ROBO2: variants seen among roughly 807,000 people sequenced by gnomAD.
ROBO2 encodes roundabout guidance receptor 2, also known as roundabout homolog 2.
ROBO2 carries 53 observed loss-of-function variants against 160.8 expected under a neutral mutation model. The observed-to-expected ratio is 0.33, with a 90% CI of 0.26 to 0.41. The LOEUF is 0.41. Among genes scored for constraint, ROBO2 ranks in the 10% least tolerant of loss-of-function variants. The probability of loss-of-function intolerance (pLI) is 1.00; values close to 1 mark genes in which losing one functional copy is unlikely to be tolerated. For synonymous variants in ROBO2, 664 were observed against 611.7 expected, an observed-to-expected ratio of 1.09 and a Z score of -1.26; for missense variants, 1,577 against 1,722.4, an observed-to-expected ratio of 0.92 and a Z score of 1.49.
chr3:77,352,903 A>G (rs2068549532), intron 2 of ROBO2, among the ~76,000 whole-genome samples: 1 of 152,200 alleles, frequency 6.6e-6, no homozygotes, highest in African/African-American at 2.4e-5. Flanking sequence ...TAAACAGCTC[A>G]TTTCACATGG....
chr3:76,174,746 T>A (rs1263378337), intron 2 of ROBO2, among the ~76,000 whole-genome samples: 2 of 152,184 alleles, frequency 1.3e-5, no homozygotes, highest in African/African-American at 4.8e-5. Flanking sequence ...ACCAGTATCA[T>A]GCTGTTTTGG....
intron 2 of ROBO2, among the ~76,000 whole-genome samples, chr3:76,080,885 G>C (rs2068804938): frequency 6.6e-6 from 1 of 151,992 alleles, no homozygotes; most frequent in South Asian, 2.1e-4. Context: ...TTTAATCCTT[G>C]ATTTTGCCAG....
intron 1 of ROBO2, among the ~76,000 whole-genome samples, chr3:77,093,090 T>G (rs180722366): frequency 6.2e-4 from 94 of 151,964 alleles, no homozygotes; most frequent in Admixed American, 5.6e-3. Flanking sequence ...TTAAAAACAT[T>G]GTTAGCTCAG....
intron 2 of ROBO2, among the ~76,000 whole-genome samples, chr3:77,374,359 A>G (rs1308990149): frequency 6.6e-6 from 1 of 152,080 alleles, no homozygotes; most frequent in Non-Finnish European, 1.5e-5. Flanking sequence ...TGACTAGACT[A>G]AGTTCAGTGA....
At chr3:76,126,207 G>A (rs1466086615) in intron 2 of ROBO2, among the ~76,000 whole-genome samples, 2 of 152,198 alleles carry the variant, frequency 1.3e-5, no homozygotes, top group African/African-American at 4.8e-5. Flanking sequence ...TTGCTTTCAA[G>A]TGTAGAGTGC....
At chr3:76,899,725 T>G (rs2075084382) in intron 2 of ROBO2, among the ~76,000 whole-genome samples, 1 of 152,156 alleles carries the variant, frequency 6.6e-6, no homozygotes, top group African/African-American at 2.4e-5. Context: ...CAAGCTTTCA[T>G]TCTCTTCCCT....
intron 2 of ROBO2, among the ~76,000 whole-genome samples, chr3:77,470,012 C>A (rs1398584961): frequency 6.6e-6 from 1 of 152,164 alleles, no homozygotes; most frequent in African/African-American, 2.4e-5. Flanking sequence ...CAGAAAGGCA[C>A]AGGCAAAAGT....
At chr3:76,386,872 T>C (rs544722780) in intron 2 of ROBO2, among the ~76,000 whole-genome samples, 7 of 152,160 alleles carry the variant, frequency 4.6e-5, no homozygotes, top group Admixed American at 1.3e-4. Context: ...TCAAGCATGA[T>C]AGGGTAGCTG....
chr3:77,134,604 G>A (rs1269499603), intron 2 of ROBO2, among the ~76,000 whole-genome samples: 3 of 152,124 alleles, frequency 2.0e-5, no homozygotes, highest in Admixed American at 1.3e-4. Flanking sequence ...CAGCTCTGCC[G>A]TGAGGATATC....
At chr3:77,097,790 C>T (rs949825878) in intron 1 of ROBO2, among the ~76,000 whole-genome samples, 4 of 152,124 alleles carry the variant, frequency 2.6e-5, no homozygotes, top group Non-Finnish European at 5.9e-5. Flanking sequence ...ATTCATGGAA[C>T]ACATTAAACC....
At chr3:75,912,447 C>CT (rs1946637514) in intron 1 of ROBO2, among the ~76,000 whole-genome samples, 1 of 152,108 alleles carries the variant, frequency 6.6e-6, no homozygotes, top group Admixed American at 6.5e-5. Context: ...TAAAATACTG[C>CT]TTTGAGAATC....
At chr3:76,434,197 G>C in intron 2 of ROBO2, 1 of 1,104,880 alleles carries the variant, frequency 9.1e-7, no homozygotes. Context: ...GAGACTGGGG[G>C]AGACGTGCAG....
intron 2 of ROBO2, among the ~76,000 whole-genome samples, chr3:76,660,107 T>G (rs1349011): frequency 0.84 from 127,256 of 152,112 alleles, 53,594 homozygotes; most frequent in South Asian, 0.93. Flanking sequence ...CATAACAAAG[T>G]TTTATGGCCG....
intron 2 of ROBO2, among the ~76,000 whole-genome samples, chr3:76,251,346 T>G (rs186175049): frequency 6.6e-6 from 1 of 151,924 alleles, no homozygotes; most frequent in African/African-American, 2.4e-5. Context: ...AGGAAAGAGA[T>G]GAGTTGGTCT....
chr3:76,752,499 G>A (rs1165248875), intron 2 of ROBO2, among the ~76,000 whole-genome samples: 5 of 151,604 alleles, frequency 3.3e-5, no homozygotes, highest in Admixed American at 3.3e-4. Flanking sequence ...ACAGTCCTTT[G>A]TGATACATTT....
intron 2 of ROBO2, among the ~76,000 whole-genome samples, chr3:76,570,617 T>C (rs17014379): frequency 0.046 from 7,040 of 152,272 alleles, 603 homozygotes; most frequent in African/African-American, 0.16. Flanking sequence ...CAACTTTTCA[T>C]CTATTTGCTA....
chr3:77,037,389 T>TA (rs2063702127), upstream of ROBO2, among the ~76,000 whole-genome samples: 1 of 152,178 alleles, frequency 6.6e-6, no homozygotes, highest in Admixed American at 6.5e-5. Context: ...AAAAGCCATT[T>TA]AAAAAATGGC....
In ROBO2 at chr3:76,930,114, T is replaced by C. The variant is rs527241710; in HGVS notation, c.110-167900T>C. On this transcript the variant is annotated intron_variant, in intron 2 of 26. Transcript: ENST00000487694. Reference sequence around the variant, plus strand: ...TCTCAGCTCACTACAATCTCTGCCTTTTAGGTTCAAGCGATTCTCATGATT... The same window carrying C: ...TCTCAGCTCACTACAATCTCTGCCTCTTAGGTTCAAGCGATTCTCATGATT... Among the ~76,000 whole-genome samples the C allele has an allele frequency of 1.1e-3, 167 of 152,168 alleles. 1 individual carries two copies. The highest frequency in any genetic ancestry group is 1.8e-3 in the Non-Finnish European group (120 of 67,996).
At chr3:76,210,191 A>T (rs138120535) in intron 2 of ROBO2, among the ~76,000 whole-genome samples, 1,742 of 152,254 alleles carry the variant, frequency 0.011, 39 homozygotes, top group African/African-American at 0.04. Context: ...AGCAATTTTT[A>T]AGAAACCTAA....
Sources: gnomAD v4.1 joint callset for allele counts (sites outside exome capture counted in the v4.1 genomes callset) on GRCh38, gnomAD v4.1.1 for gene constraint, MANE v1.5 for transcripts, NCBI Gene and HGNC (gene_info 2026-07-23, HGNC 2026-07-21) for gene names.